The following RFC1 variants were observed in gnomAD, a reference collection of about 807,000 sequenced individuals.
The protein encoded by RFC1 is replication factor C subunit 1.
Under a neutral mutation model 137.4 loss-of-function variants are expected in RFC1, and 37 were observed. The observed-to-expected ratio is 0.27, with a 90% CI of 0.21 to 0.35. The LOEUF is 0.35. Ranked by LOEUF, RFC1 falls within the 10% of genes least tolerant of loss-of-function variation. RFC1 has a pLI of 1.00. For missense variants in RFC1, 1,205 were observed against 1,358.5 expected (o/e 0.89, Z 1.78); for synonymous variants, 429 against 455.7 (o/e 0.94, Z 0.75).
At chr4:39,350,463 C>T in intron 2 of RFC1, among the ~76,000 whole-genome samples, 1 of 151,972 alleles carries the variant, frequency 6.6e-6, no homozygotes, top group East Asian at 1.9e-4. Context: ...CTGCTGAAAA[C>T]CAAAAATTAA....
In RFC1 at chr4:39,349,378, G is replaced by A. The variant is rs561482120; in HGVS notation, c.132+1970C>T. ...TAAGGATAAATAAGGTCGTAAGGGT[G>A]GGGCTCTGATCTGACAGGATTAGCA... On this transcript the variant is annotated intron_variant, in intron 2 of 24. Transcript: ENST00000349703. Among the ~76,000 whole-genome samples, 28 of 152,248 alleles carry A rather than the reference G, an allele frequency of 1.8e-4. No homozygotes were observed. In the South Asian group the frequency reaches 5.8e-3, roughly 32 times the overall value.
chr4:39,335,766 G>A (rs1740318299), intron 4 of RFC1, among the ~76,000 whole-genome samples: 1 of 152,148 alleles, frequency 6.6e-6, no homozygotes. Flanking sequence ...TGCAATCGAT[G>A]CAATTTCCCC....
At chr4:39,337,374 CAAA>C (rs34031141) in intron 4 of RFC1, among the ~76,000 whole-genome samples, 2 of 73,876 alleles carry the variant, frequency 2.7e-5, no homozygotes, top group Non-Finnish European at 2.7e-5. Context: ...AACTCCGTCT[CAAA>C]AAAAAAAAAA....
intron 23 of RFC1, among the ~76,000 whole-genome samples, chr4:39,290,770 G>A (rs1259123093): frequency 3.4e-5 from 5 of 148,666 alleles, no homozygotes; most frequent in Non-Finnish European, 5.9e-5. Context: ...AGCCGAGATC[G>A]CACCACTGCC....
intron 19 of RFC1, among the ~76,000 whole-genome samples, chr4:39,301,392 C>T (rs1738354597): frequency 1.3e-5 from 2 of 152,266 alleles, no homozygotes; most frequent in East Asian, 1.9e-4. Flanking sequence ...AACCACACAA[C>T]GTACAACACC....
intron 12 of RFC1, among the ~76,000 whole-genome samples, chr4:39,310,059 G>A (rs900041797): frequency 2.0e-5 from 3 of 152,108 alleles, no homozygotes; most frequent in Non-Finnish European, 2.9e-5. Context: ...ATAATAAGAC[G>A]TTATTGACAT....
chr4:39,317,521 C>T (rs1739302403), intron 9 of RFC1, among the ~76,000 whole-genome samples: 1 of 152,076 alleles, frequency 6.6e-6, no homozygotes, highest in African/African-American at 2.4e-5. Context: ...ACAGTCAGCT[C>T]AAAGAAGGTA....
At position 39,336,322 on chromosome 4, in the gene RFC1, G is replaced by C. The variant is rs562765200; in HGVS notation, c.331+6023C>G. Among the ~76,000 whole-genome samples the C allele has an allele frequency of 1.2e-3, 8 of 6,828 alleles. No homozygotes were observed. The South Asian group carries it at 0.4, about 341-fold the overall frequency. The allele number at this position is 6,828 out of a possible 152,430, so 4.5% of individuals were successfully genotyped here. A position where few individuals can be genotyped will look rare whatever the true frequency, so the allele number is the denominator to read the frequency against. ...TAATTGTCAAAAAAAGAGAAAGGCA[G>C]ATCCACACCACAGAACTACAGAAGA... On this transcript the variant is annotated intron_variant, in intron 4 of 24. Coordinates refer to ENST00000349703, the MANE Select transcript of RFC1 (RefSeq NM_002913.5).
At chr4:39,358,877 C>T (rs879794104) in intron 1 of RFC1, among the ~76,000 whole-genome samples, 2 of 152,200 alleles carry the variant, frequency 1.3e-5, no homozygotes, top group Admixed American at 6.5e-5. Context: ...ACCCCAGTAC[C>T]ACTTATGTAC....
chr4:39,308,643 T>C lies in RFC1; in HGVS notation c.1878A>G (p.Lys626=). The C allele has an allele frequency of 6.2e-7, 1 of 1,608,228 alleles. No homozygotes were observed. The highest frequency in any genetic ancestry group is 8.5e-7 in the Non-Finnish European group (1 of 1,176,012). ...RNWQKSSSED[K]KHAKFGKFSG... is the part of the protein sequence containing the mutation. ...GTGAGGTTGTAAAATCACCGTGTTT[T>C]TTATCTTCGGAAGAACTCTTTTGCC... Residue 626 remains lysine, a synonymous_variant, in exon 13 of 25, where the codon AAA becomes AAG. Coordinates refer to ENST00000349703, the MANE Select transcript of RFC1 (RefSeq NM_002913.5).
chr4:39,293,500 C>G (rs1178906253), intron 22 of RFC1, among the ~76,000 whole-genome samples: 2 of 152,128 alleles, frequency 1.3e-5, no homozygotes, highest in Non-Finnish European at 2.9e-5. Context: ...CCAATAAGAT[C>G]ACTCTTCCAT....
chr4:39,310,970 C>T (rs1336443046), intron 12 of RFC1, among the ~76,000 whole-genome samples: 2 of 151,976 alleles, frequency 1.3e-5, no homozygotes, highest in Admixed American at 6.6e-5. Flanking sequence ...GGTGAAACTC[C>T]GTCTCTATTA....
rs1739453648 is a variant in RFC1 at position 39,320,367 on chromosome 4, A to AC, written c.1095+15_1095+16insG. On this transcript the variant is annotated intron_variant, in intron 9 of 24. Coordinates refer to ENST00000349703, the MANE Select transcript of RFC1 (RefSeq NM_002913.5). ...TCCATCTCAAAAAAAAAAAAAAAAA[A>AC]AAACAAAGTTCTTACCTCTTTTTTA... 6.8e-7 allele frequency: 1 copy of AC among 1,480,038 alleles called. No individual in the cohort carries two copies. Among genetic ancestry groups the AC allele is most frequent in the African/African-American group, 1.5e-5 (1 of 68,650 alleles). The allele number at this position is 1,480,038 out of a possible 1,614,324, so 91.7% of individuals were successfully genotyped here. A position where few individuals can be genotyped will look rare whatever the true frequency, so the allele number is the denominator to read the frequency against.
intron 1 of RFC1, chr4:39,365,355 T>A (rs1278486958): frequency 1.1e-5 from 6 of 566,004 alleles, no homozygotes; most frequent in East Asian, 3.0e-4. Context: ...CGTTGACCAA[T>A]GATTGAAAAA....
At chr4:39,333,960 G>C (rs1012082342) in intron 4 of RFC1, among the ~76,000 whole-genome samples, 1 of 151,980 alleles carries the variant, frequency 6.6e-6, no homozygotes, top group Non-Finnish European at 1.5e-5. Flanking sequence ...TGCAAATAAG[G>C]CTCCTTTTCT....
chr4:39,342,387 T>C lies in RFC1; in HGVS notation c.289A>G (p.Lys97Glu), dbSNP rs777096916. ...GTAACAGGATCCTGCCGTGAAATTT[T>C]ACCAGGTTTAGAAGATACTGGCAGT... ...EKLPVSSKPG[K>E]ISRQDPVTYI... Residue 97 changes from lysine (K) to glutamate (E), a missense_variant, in exon 4 of 25, where the codon AAA becomes GAA. By Grantham distance (56) the Lys-to-Glu change is moderately conservative (BLOSUM62 1). Transcript: ENST00000349703. 3.7e-6 allele frequency: 6 copies of C among 1,613,584 alleles called. No individual in the cohort carries two copies. Among genetic ancestry groups the C allele is most frequent in the Middle Eastern group, 3.3e-4 (2 of 6,054 alleles).
At chr4:39,365,336 A>C (rs1741973481) in intron 1 of RFC1, 4 of 287,770 alleles carry the variant, frequency 1.4e-5, no homozygotes, top group African/African-American at 2.2e-5. Flanking sequence ...GAATGTTGTC[A>C]CTGTGACACG....
chr4:39,312,335 A>C (rs1052122750), intron 11 of RFC1, among the ~76,000 whole-genome samples: 1 of 152,216 alleles, frequency 6.6e-6, no homozygotes, highest in South Asian at 2.1e-4. Flanking sequence ...ATCCACGGTT[A>C]ATCAGATATT....
In RFC1 at chr4:39,345,565, G is replaced by T; in HGVS notation, c.133-89C>A. 8.5e-6 allele frequency: 9 copies of T among 1,062,384 alleles called. No individual in the cohort carries two copies. In the South Asian group the frequency reaches 8.7e-5, roughly 10 times the overall value. 65.8% of individuals were successfully genotyped at this position (1,062,384 alleles called of 1,614,324 possible). On this transcript the variant is annotated intron_variant, in intron 2 of 24. Coordinates refer to ENST00000349703, the MANE Select transcript of RFC1 (RefSeq NM_002913.5). ...AGACGGAGTCTCACTCTGTCATCCA[G>T]GCTGGAGCGCAGTGGCACGATCTCG...
Sources: allele counts gnomAD v4.1 joint callset (sites outside exome capture counted in the v4.1 genomes callset), GRCh38; gene constraint gnomAD v4.1.1; transcripts MANE v1.5; gene names NCBI Gene and HGNC (gene_info 2026-07-23, HGNC 2026-07-21).